DCTD: variants seen among roughly 807,000 people sequenced by gnomAD.
DCTD encodes the protein dCMP deaminase.
In DCTD, 23 loss-of-function variants were observed where a neutral mutation model predicts 21.0. The ratio of observed to expected loss-of-function variants is 1.09; its 90% CI spans 0.79 to 1.55. The LOEUF (loss-of-function observed/expected upper bound fraction) is 1.55. Among genes scored for constraint, DCTD ranks in the 40% most tolerant of loss-of-function variants. The pLI, the probability that DCTD is intolerant of heterozygous loss-of-function variation, is 0.00. For synonymous variants in DCTD, 71 were observed against 81.1 expected, an observed-to-expected ratio of 0.88 and a Z score of 0.67; for missense variants, 224 against 230.0, an observed-to-expected ratio of 0.97 and a Z score of 0.17.
rs747307525 is a variant in DCTD at position 182,891,415 on chromosome 4, C to CTCGGTCTGCTGTTAATTGAA, written c.501_520dup (p.Ser174IlefsTer32). 11 of 1,610,690 alleles carry CTCGGTCTGCTGTTAATTGAA rather than the reference C, an allele frequency of 6.8e-6. No homozygotes were observed. The highest frequency in any genetic ancestry group is 4.0e-5 in the African/African-American group (3 of 74,872). Reference sequence around the variant, plus strand: ...AGATGTAACTCACTGAAGCTTTTGACTCGGTCTGCTGTTAATTGAATCAAA... The same window carrying CTCGGTCTGCTGTTAATTGAA: ...AGATGTAACTCACTGAAGCTTTTGACTCGGTCTGCTGTTAATTGAATCGGTCTGCTGTTAATTGAATCAAA... On this transcript the variant is annotated frameshift_variant, in exon 6 of 6. Coordinates refer to ENST00000438320, the MANE Select transcript of DCTD (RefSeq NM_001921.3). LOFTEE classifies it high-confidence loss of function.
At position 182,907,642 on chromosome 4, in the gene DCTD, T is replaced by C. The variant is rs150670010; in HGVS notation, c.244+7281A>G. 8.3e-4 allele frequency among the ~76,000 whole-genome samples: 126 copies of C among 152,274 alleles called. 1 individual carries two copies. Among genetic ancestry groups the C allele is most frequent in the African/African-American group, 2.9e-3 (121 of 41,552 alleles). On this transcript the variant is annotated intron_variant, in intron 3 of 5. Transcript: ENST00000438320. Reference sequence around the variant, plus strand: ...GCGCCTGTTTCTATTAATTTATCCATATGTACACATGCACATTCTCCCTGT... The same window carrying C: ...GCGCCTGTTTCTATTAATTTATCCACATGTACACATGCACATTCTCCCTGT...
At chr4:182,910,012 C>T (rs1477376218) in intron 3 of DCTD, among the ~76,000 whole-genome samples, 3 of 152,178 alleles carry the variant, frequency 2.0e-5, no homozygotes, top group Admixed American at 2.0e-4. Flanking sequence ...TTTAGAGTAT[C>T]CCTGTAGACA....
At chr4:182,903,648 G>A (rs1290903692) in intron 3 of DCTD, among the ~76,000 whole-genome samples, 1 of 152,062 alleles carries the variant, frequency 6.6e-6, no homozygotes, top group Admixed American at 6.5e-5. Flanking sequence ...AGCCCATCCT[G>A]CAGGCTCTGA....
Position 182,890,893 on chromosome 4 carries a change from C to T in DCTD, c.*506G>A, listed in dbSNP as rs1130902. The T allele has an allele frequency of 0.34, 51,672 of 152,932 alleles. 10,408 individuals are homozygous for T. The highest frequency in any genetic ancestry group is 0.58 in the African/African-American group (24,004 of 41,462). The allele number at this position is 152,932 out of a possible 1,614,324, so 9.5% of individuals were successfully genotyped here. A position where few individuals can be genotyped will look rare whatever the true frequency, so the allele number is the denominator to read the frequency against. On this transcript the variant is annotated 3_prime_UTR_variant, in exon 6 of 6. Transcript: ENST00000438320. Reference sequence around the variant, plus strand: ...GGGTTTCCCTCAACTCTGCAGCAAACACTTCAATGCTACTGTCATTTGAGG... The same window carrying T: ...GGGTTTCCCTCAACTCTGCAGCAAATACTTCAATGCTACTGTCATTTGAGG...
intron 3 of DCTD, among the ~76,000 whole-genome samples, chr4:182,906,006 C>T (rs1736646279): frequency 6.6e-6 from 1 of 152,052 alleles, no homozygotes; most frequent in Non-Finnish European, 1.5e-5. Context: ...TAAAATACAC[C>T]CCATCTCCAG....
chr4:182,903,313 C>T (rs1445060895), intron 3 of DCTD, among the ~76,000 whole-genome samples: 5 of 152,170 alleles, frequency 3.3e-5, no homozygotes, highest in African/African-American at 1.2e-4. Flanking sequence ...CCTACCTGTC[C>T]TTGGCATCCA....
chr4:182,911,940 C>CA (rs1193583487), intron 3 of DCTD, among the ~76,000 whole-genome samples: 3 of 152,074 alleles, frequency 2.0e-5, no homozygotes, highest in Non-Finnish European at 4.4e-5. Context: ...AAAGAGGGTC[C>CA]TGTACATTCA....
chr4:182,908,652 C>T (rs1352288260), intron 3 of DCTD, among the ~76,000 whole-genome samples: 2 of 133,244 alleles, frequency 1.5e-5, no homozygotes, highest in East Asian at 4.4e-4. Context: ...CACTGCACTC[C>T]AGCCTGGGTG....
At chr4:182,917,468 CCGA>C, upstream of DCTD, 1 of 482,474 alleles carries the variant, frequency 2.1e-6, no homozygotes, top group Non-Finnish European at 2.7e-6. The surrounding 1 kb of genome is among the most constrained non-coding windows in gnomAD (Gnocchi z 4.9). Flanking sequence ...CCCCGGGGGC[CCGA>C]AGCCCTGAGG....
In DCTD at chr4:182,890,990, C is replaced by A; in HGVS notation, c.*409G>T. 1 of 165,738 alleles carries A rather than the reference C, an allele frequency of 6.0e-6. No individual in the cohort carries two copies. Among genetic ancestry groups the A allele is most frequent in the Non-Finnish European group, 1.3e-5 (1 of 76,074 alleles). The allele number at this position is 165,738 out of a possible 1,614,324, so 10.3% of individuals were successfully genotyped here. ...AGATGTTCAGATCAGTGTGTCTGCT[C>A]GTCCCCATTAAGAACACAACCACAA... On this transcript the variant is annotated 3_prime_UTR_variant, in exon 6 of 6. Coordinates refer to ENST00000438320, the MANE Select transcript of DCTD (RefSeq NM_001921.3).
intron 3 of DCTD, among the ~76,000 whole-genome samples, chr4:182,895,891 G>C (rs72687804): frequency 6.6e-6 from 1 of 152,110 alleles, no homozygotes; most frequent in African/African-American, 2.4e-5. Flanking sequence ...TGATTCCAAC[G>C]TGCAGACAAG....
At chr4:182,896,513 G>C (rs79614705) in intron 3 of DCTD, among the ~76,000 whole-genome samples, 1 of 152,152 alleles carries the variant, frequency 6.6e-6, no homozygotes, top group South Asian at 2.1e-4. Context: ...AATCATCTTC[G>C]CTGCCCAGAG....
intron 5 of DCTD, among the ~76,000 whole-genome samples, chr4:182,892,495 T>C (rs1016423077): frequency 1.3e-5 from 2 of 151,806 alleles, no homozygotes; most frequent in Non-Finnish European, 2.9e-5. Context: ...CTACTGAAAG[T>C]ACAAAAAAAT....
At position 182,891,348 on chromosome 4, in the gene DCTD, C is replaced by G. The variant is rs1733705934; in HGVS notation, c.*51G>C. On this transcript the variant is annotated 3_prime_UTR_variant, in exon 6 of 6. Transcript: ENST00000438320. ...ACTTCAAGATGAAAGGCATTAGCAACCTCTTAGAAGACGATAATCCCAATC... is the reference window on the plus strand; with the variant it reads ...ACTTCAAGATGAAAGGCATTAGCAAGCTCTTAGAAGACGATAATCCCAATC... The G allele has an allele frequency of 7.6e-7, 1 of 1,314,466 alleles. No individual in the cohort carries two copies. The highest frequency in any genetic ancestry group is 1.1e-6 in the Non-Finnish European group (1 of 909,072). The allele number at this position is 1,314,466 out of a possible 1,614,324, so 81.4% of individuals were successfully genotyped here.
At chr4:182,915,937 TA>T in intron 1 of DCTD, 1 of 1,021,018 alleles carries the variant, frequency 9.8e-7, no homozygotes, top group Non-Finnish European at 1.2e-6. Context: ...AAGAAATATT[TA>T]TTGATCATCT....
At position 182,914,939 on chromosome 4, in the gene DCTD, G is replaced by C; in HGVS notation, c.228C>G (p.Asp76Glu). 6.2e-7 allele frequency: 1 copy of C among 1,614,222 alleles called. No individual in the cohort carries two copies. Among genetic ancestry groups the C allele is most frequent in the South Asian group, 1.1e-5 (1 of 91,086 alleles). ...TTGCCCTACCGTACGGGTATTTGGT[G>C]TCCAGCTTATTCTCTGCTGTCCTTC... Reference protein sequence around the residue: ...PWRRTAENKLDTKYPYVCHAE... With the variant: ...PWRRTAENKLETKYPYVCHAE... The change falls in exon 3 of 6, where the codon GAC becomes GAG. Residue 76 changes from aspartate (D) to glutamate (E), a missense_variant. By Grantham distance (45) the Asp-to-Glu change is conservative. Transcript: ENST00000438320.
intron 3 of DCTD, among the ~76,000 whole-genome samples, chr4:182,902,798 C>A (rs1018370969): frequency 6.6e-6 from 1 of 152,142 alleles, no homozygotes; most frequent in African/African-American, 2.4e-5. Context: ...GGCTGCGATG[C>A]CCCAGCATGG....
chr4:182,917,116 C>A lies in DCTD; in HGVS notation c.-8+195G>T. On this transcript the variant is annotated intron_variant, in intron 1 of 5. Transcript: ENST00000438320. This position sits in a 1 kb window ranked among gnomAD's most constrained non-coding sequence, Gnocchi z 4.9. ...CGAGAAATCGACCCTGGAGTGACTG[C>A]GGGGACCCCGAGCGCCCCCACCCCG... is the stretch of plus-strand genomic sequence containing the variant. 1.0e-6 allele frequency: 1 copy of A among 987,604 alleles called. No homozygotes were observed. Among genetic ancestry groups the A allele is most frequent in the Non-Finnish European group, 1.2e-6 (1 of 831,662 alleles). The allele number at this position is 987,604 out of a possible 1,614,324, so 61.2% of individuals were successfully genotyped here. A position where few individuals can be genotyped will look rare whatever the true frequency, so the allele number is the denominator to read the frequency against.
At chr4:182,902,824 C>T (rs1415781919) in intron 3 of DCTD, among the ~76,000 whole-genome samples, 4 of 152,070 alleles carry the variant, frequency 2.6e-5, no homozygotes, top group Non-Finnish European at 4.4e-5. Flanking sequence ...AGCAGCGGCC[C>T]GAGTGCAAGC....
Sources: gnomAD v4.1 joint callset for allele counts (sites outside exome capture counted in the v4.1 genomes callset) on GRCh38, gnomAD v4.1.1 for gene constraint, Gnocchi (gnomAD v3.1) non-coding constraint, MANE v1.5 for transcripts, NCBI Gene and HGNC (gene_info 2026-07-23, HGNC 2026-07-21) for gene names.